PDZRN4: variants seen among roughly 807,000 people sequenced by gnomAD.
PDZRN4 encodes PDZ domain-containing RING finger protein 4.
A neutral mutation model predicts 99.0 loss-of-function variants in PDZRN4; 70 were observed. The ratio of observed to expected loss-of-function variants is 0.71; its 90% CI spans 0.58 to 0.86. PDZRN4 has a LOEUF of 0.86. PDZRN4 is among the 40% of genes least tolerant of loss of function. The pLI, the probability that PDZRN4 is intolerant of heterozygous loss-of-function variation, is 0.00. For missense variants in PDZRN4, 1,474 were observed against 1,331.2 expected (o/e 1.11, Z -1.67); for synonymous variants, 551 against 501.6 (o/e 1.10, Z -1.32).
chr12:41,245,016 A>G (rs187697291), intron 3 of PDZRN4, among the ~76,000 whole-genome samples: 1 of 152,042 alleles, frequency 6.6e-6, no homozygotes, highest in East Asian at 1.9e-4. Flanking sequence ...CACTCCCTTC[A>G]CATTGATCTC....
At chr12:41,256,783 C>G (rs1287229562) in intron 3 of PDZRN4, among the ~76,000 whole-genome samples, 1 of 152,130 alleles carries the variant, frequency 6.6e-6, no homozygotes, top group East Asian at 1.9e-4. Context: ...TCTCATTCTT[C>G]TGTTTTTCTA....
chr12:41,493,888 A>G (rs1045907570), intron 3 of PDZRN4, among the ~76,000 whole-genome samples: 1 of 129,700 alleles, frequency 7.7e-6, no homozygotes, highest in Admixed American at 7.7e-5. Context: ...ATTCACTTAT[A>G]TTAAAAAAAT....
At chr12:41,280,328 CG>C (rs2120882072) in intron 3 of PDZRN4, among the ~76,000 whole-genome samples, 1 of 152,168 alleles carries the variant, frequency 6.6e-6, no homozygotes, top group Admixed American at 6.5e-5. Context: ...AGTTTTTTTC[CG>C]TACCCCAGTG....
intron 3 of PDZRN4, among the ~76,000 whole-genome samples, chr12:41,367,641 G>A (rs1050730523): frequency 1.3e-5 from 2 of 152,048 alleles, no homozygotes; most frequent in African/African-American, 4.8e-5. Flanking sequence ...TTCACAAGAT[G>A]AGAGCTTCTT....
intron 3 of PDZRN4, among the ~76,000 whole-genome samples, chr12:41,481,232 G>A (rs1937668537): frequency 6.6e-6 from 1 of 152,020 alleles, no homozygotes; most frequent in African/African-American, 2.4e-5. Context: ...AACAGGAGCA[G>A]CTCATAGTCA....
chr12:41,529,520 C>CA (rs1433297954), intron 5 of PDZRN4, among the ~76,000 whole-genome samples: 1 of 151,990 alleles, frequency 6.6e-6, no homozygotes, highest in Non-Finnish European at 1.5e-5. Flanking sequence ...TGCATTTATG[C>CA]AAAAAGTGTT....
intron 3 of PDZRN4, among the ~76,000 whole-genome samples, chr12:41,197,925 T>TTTTTTTC (rs1566352697): frequency 7.4e-6 from 1 of 135,042 alleles, no homozygotes; most frequent in African/African-American, 2.7e-5. Flanking sequence ...TCTGGGTTTT[T>TTTTTTTC]TTTTTTGGAG....
At chr12:41,293,574 T>G (rs1424966711) in intron 3 of PDZRN4, among the ~76,000 whole-genome samples, 1 of 152,064 alleles carries the variant, frequency 6.6e-6, no homozygotes, top group Non-Finnish European at 1.5e-5. Flanking sequence ...GTTCTCCTCC[T>G]GTTTCGAAAA....
chr12:41,472,148 C>T (rs2120571859), intron 3 of PDZRN4, among the ~76,000 whole-genome samples: 1 of 152,224 alleles, frequency 6.6e-6, no homozygotes, highest in East Asian at 1.9e-4. Context: ...GGATTACAGG[C>T]ATGTGCCACC....
At chr12:41,260,390 C>T (rs940614920) in intron 3 of PDZRN4, among the ~76,000 whole-genome samples, 1 of 152,034 alleles carries the variant, frequency 6.6e-6, no homozygotes, top group Non-Finnish European at 1.5e-5. Context: ...TCTGATTAAA[C>T]AAGCAGTACA....
chr12:41,416,588 C>A (rs547307934), intron 3 of PDZRN4, among the ~76,000 whole-genome samples: 1 of 152,178 alleles, frequency 6.6e-6, no homozygotes, highest in Admixed American at 6.6e-5. Flanking sequence ...ACCCAGGAGG[C>A]GGAGGTTGCA....
intron 3 of PDZRN4, among the ~76,000 whole-genome samples, chr12:41,469,726 T>C (rs1952967072): frequency 6.6e-6 from 1 of 152,022 alleles, no homozygotes; most frequent in South Asian, 2.1e-4. Flanking sequence ...GGTCAGGAGA[T>C]CGAGACCATC....
intron 3 of PDZRN4, among the ~76,000 whole-genome samples, chr12:41,439,690 C>T (rs1952660974): frequency 6.6e-6 from 1 of 152,138 alleles, no homozygotes; most frequent in East Asian, 1.9e-4. Flanking sequence ...ATAAGCCATG[C>T]TCTTTATTGC....
intron 5 of PDZRN4, among the ~76,000 whole-genome samples, chr12:41,513,566 G>A (rs1282393840): frequency 6.6e-6 from 1 of 152,024 alleles, no homozygotes; most frequent in Non-Finnish European, 1.5e-5. Context: ...GTAAGAGTCA[G>A]GGTGTTCCAT....
At chr12:41,432,872 C>A (rs1031719708) in intron 3 of PDZRN4, among the ~76,000 whole-genome samples, 16 of 152,150 alleles carry the variant, frequency 1.1e-4, no homozygotes, top group African/African-American at 3.9e-4. Context: ...GTGTATAGAG[C>A]AGTTCAGCTT....
chr12:41,311,918 A>G (rs2120952048), intron 3 of PDZRN4, among the ~76,000 whole-genome samples: 1 of 152,332 alleles, frequency 6.6e-6, no homozygotes, highest in East Asian at 1.9e-4. Flanking sequence ...ACATATAAAA[A>G]TATCTGACTT....
chr12:41,573,181 G>A lies in PDZRN4; in HGVS notation c.2402G>A (p.Gly801Asp). 1.2e-6 allele frequency: 2 copies of A among 1,614,114 alleles called. No individual in the cohort carries two copies. The highest frequency in any genetic ancestry group is 1.7e-6 in the Non-Finnish European group (2 of 1,180,016). The change falls in exon 10 of 10, where the codon GGT becomes GAT. Residue 801 changes from glycine (G) to aspartate (D), a missense_variant. Gly to Asp is a moderately conservative substitution (Grantham distance 94). Coordinates refer to ENST00000402685, the MANE Select transcript of PDZRN4 (RefSeq NM_001164595.2). ...ACCAAAGCCAAAACCACTGAGCAAGGTTGTAGCGCTGAAAGCAAGGAGAAG... is the reference window on the plus strand; with the variant it reads ...ACCAAAGCCAAAACCACTGAGCAAGATTGTAGCGCTGAAAGCAAGGAGAAG... ...TSTKAKTTEQ[G>D]CSAESKEKVL...
At chr12:41,338,533 A>T (rs1007115961) in intron 3 of PDZRN4, among the ~76,000 whole-genome samples, 1 of 152,016 alleles carries the variant, frequency 6.6e-6, no homozygotes, top group East Asian at 1.9e-4. Flanking sequence ...TGGTTTTTCG[A>T]AAAGATAAAA....
intron 3 of PDZRN4, among the ~76,000 whole-genome samples, chr12:41,495,788 C>T (rs75625906): frequency 0.061 from 9,298 of 152,058 alleles, 688 homozygotes; most frequent in East Asian, 0.18. Context: ...CACCCCAGAC[C>T]TCTCGTGGTC....
Sources: gnomAD v4.1 joint callset for allele counts (sites outside exome capture counted in the v4.1 genomes callset) on GRCh38, gnomAD v4.1.1 for gene constraint, MANE v1.5 for transcripts, NCBI Gene and HGNC (gene_info 2026-07-23, HGNC 2026-07-21) for gene names.